LSR: variants seen among roughly 807,000 people sequenced by gnomAD.
LSR encodes lipolysis stimulated lipoprotein receptor, also known as lipolysis-stimulated lipoprotein receptor.
Under a neutral mutation model 61.8 loss-of-function variants are expected in LSR, and 44 were observed. That is an observed-to-expected ratio of 0.71 (90% CI 0.56 to 0.91). LSR has a LOEUF of 0.91. LSR is among the 40% of genes least tolerant of loss of function. The probability of loss-of-function intolerance (pLI) is 0.00; values close to 1 mark genes in which losing one functional copy is unlikely to be tolerated. For missense variants in LSR, 911 were observed against 830.5 expected, an observed-to-expected ratio of 1.10 and a Z score of -1.19; for synonymous variants, 397 against 350.6, an observed-to-expected ratio of 1.13 and a Z score of -1.48.
Position 35,267,832 on chromosome 19 carries a change from C to T in LSR, c.1779C>T (p.Ala593=). 6.2e-7 allele frequency: 1 copy of T among 1,614,054 alleles called. No individual in the cohort carries two copies. Among genetic ancestry groups the T allele is most frequent in the Non-Finnish European group, 8.5e-7 (1 of 1,179,952 alleles). The change falls in exon 10 of 10, where the codon GCC becomes GCT. Residue 593 remains alanine, a synonymous_variant. Transcript: ENST00000605618. ...SRERRLKKNL[A]LSRESLVV ...TTCTTTCTCCCTTGCAGAACTTGGC[C>T]CTGAGTCGGGAAAGTTTAGTCGTCT...
rs145609621 is a variant in LSR at position 35,267,465 on chromosome 19, C to T, written c.1501C>T (p.Pro501Ser). 202 of 1,610,906 alleles carry T rather than the reference C, an allele frequency of 1.3e-4. No homozygotes were observed. The African/African-American group carries it at 2.5e-3, about 20-fold the overall frequency. The change falls in exon 9 of 10, where the codon CCC becomes TCC. Residue 501 changes from proline to serine, a missense_variant. Transcript: ENST00000605618. ...GAGGGACTTCCCACGCTCCCGGGAC[C>T]CCCACTACGACGACTTCAGGTCTCG... ...DSRDFPRSRDPHYDDFRSRER... is the reference protein window; with the variant it reads ...DSRDFPRSRDSHYDDFRSRER...
chr19:35,256,667 A>C (rs1482792118), intron 2 of LSR, among the ~76,000 whole-genome samples: 2 of 152,084 alleles, frequency 1.3e-5, no homozygotes, highest in African/African-American at 4.8e-5. Flanking sequence ...ACTGCCTAGA[A>C]CATAGGTGGT....
In LSR at chr19:35,261,927, A is replaced by G; in HGVS notation, c.577A>G (p.Arg193Gly). The G allele has an allele frequency of 6.8e-7, 1 of 1,473,562 alleles. No homozygotes were observed. The highest frequency in any genetic ancestry group is 9.0e-7 in the Non-Finnish European group (1 of 1,116,620). 91.3% of individuals were successfully genotyped at this position (1,473,562 alleles called of 1,614,324 possible). Residue 193 changes from arginine to glycine, a missense_variant and splice_region_variant, in exon 4 of 10, where the codon AGG becomes GGG. By Grantham distance (125) the Arg-to-Gly change is moderately radical. Transcript: ENST00000605618. The part of the protein sequence containing the change: ...EAYAELIVLG[R>G]TSGVAELLPG... ...CTGTTTCTCTTTTGTCCCTCCAGGG[A>G]GGACCTCAGGGGTGGCTGAGCTCTT...
Position 35,250,501 on chromosome 19 carries a change from ACCAGCTCAATGC to A in LSR, c.303_314del (p.Asn102_Leu105del), listed in dbSNP as rs1361574550. Reference sequence around the variant, plus strand: ...GCCTTCTCCCCGGCCAGCGTCGACAACCAGCTCAATGCCCAGCTGGCAGCCGGGAACCCAGGC... The same window carrying A: ...GCCTTCTCCCCGGCCAGCGTCGACAACCAGCTGGCAGCCGGGAACCCAGGC... On this transcript the variant is annotated inframe_deletion, in exon 2 of 10. Coordinates refer to ENST00000605618, the MANE Select transcript of LSR (RefSeq NM_205834.4). 6.2e-7 allele frequency: 1 copy of A among 1,613,992 alleles called. No individual in the cohort carries two copies. The highest frequency in any genetic ancestry group is 8.5e-7 in the Non-Finnish European group (1 of 1,180,012).
At chr19:35,259,934 G>T in intron 3 of LSR, among the ~76,000 whole-genome samples, 1 of 152,246 alleles carries the variant, frequency 6.6e-6, no homozygotes. Context: ...CATCGGCCAG[G>T]TGCCCTGCTG....
In LSR at chr19:35,257,550, A is replaced by G. The variant is rs144860394; in HGVS notation, c.455-1395A>G. ...GGGTTCTTTCATTCCTGGGGGTGCC[A>G]GGTGCTGTGGACTGCAGCACGCGTG... On this transcript the variant is annotated intron_variant, in intron 2 of 9. Transcript: ENST00000605618. 3.0e-4 allele frequency among the ~76,000 whole-genome samples: 45 copies of G among 152,274 alleles called. 1 individual carries two copies. The East Asian group carries it at 7.4e-3, about 25-fold the overall frequency.
intron 5 of LSR, chr19:35,264,303 C>G (rs1028640889): frequency 2.6e-5 from 4 of 151,988 alleles, no homozygotes; most frequent in African/African-American, 9.7e-5. Flanking sequence ...AGACAGAAGA[C>G]AGAGAGAGAG....
Position 35,267,821 on chromosome 19 carries a change from C to A in LSR, c.1771-3C>A, listed in dbSNP as rs758486502. 205 of 1,613,940 alleles carry A rather than the reference C, an allele frequency of 1.3e-4. No individual in the cohort carries two copies. The highest frequency in any genetic ancestry group is 1.7e-4 in the Non-Finnish European group (201 of 1,179,966). ...CATACCCTTCTTTCTTTCTCCCTTGCAGAACTTGGCCCTGAGTCGGGAAAG... is the reference window on the plus strand; with the variant it reads ...CATACCCTTCTTTCTTTCTCCCTTGAAGAACTTGGCCCTGAGTCGGGAAAG... On this transcript the variant is annotated splice_polypyrimidine_tract_variant and splice_region_variant and intron_variant, in intron 9 of 9. Transcript: ENST00000605618.
In LSR at chr19:35,266,550, A is replaced by G; in HGVS notation, c.952+18A>G. On this transcript the variant is annotated intron_variant, in intron 6 of 9. Coordinates refer to ENST00000605618, the MANE Select transcript of LSR (RefSeq NM_205834.4). ...TAGCTCAGGTGAGGCCGGGGGAAGCAGGAACAGCTGGTGGGAGTGTGCTGG... is the reference window on the plus strand; with the variant it reads ...TAGCTCAGGTGAGGCCGGGGGAAGCGGGAACAGCTGGTGGGAGTGTGCTGG... 1.3e-6 allele frequency: 2 copies of G among 1,598,124 alleles called. No homozygotes were observed. Among genetic ancestry groups the G allele is most frequent in the East Asian group, 4.5e-5 (2 of 44,636 alleles).
chr19:35,266,496 G>A lies in LSR; in HGVS notation c.916G>A (p.Gly306Arg), dbSNP rs1418716590. 8 of 1,611,198 alleles carry A rather than the reference G, an allele frequency of 5.0e-6. No individual in the cohort carries two copies. The highest frequency in any genetic ancestry group is 6.8e-6 in the Non-Finnish European group (8 of 1,178,420). Reference sequence around the variant, plus strand: ...GGGCCCTGCCTACAACGGGTACCCTGGAGGATACCCTGGAGACGTTGACAG... The same window carrying A: ...GGGCCCTGCCTACAACGGGTACCCTAGAGGATACCCTGGAGACGTTGACAG... ...PMGPAYNGYP[G>R]GYPGDVDRSS... The change falls in exon 6 of 10, where the codon GGA becomes AGA. Residue 306 changes from glycine to arginine, a missense_variant. Physicochemically the swap from Gly to Arg is moderately radical, Grantham distance 125. Transcript: ENST00000605618.
Position 35,266,821 on chromosome 19 carries a change from C to A in LSR, c.1013-15C>A, listed in dbSNP as rs547841115. 1 of 1,602,664 alleles carries A rather than the reference C, an allele frequency of 6.2e-7. No individual in the cohort carries two copies. Among genetic ancestry groups the A allele is most frequent in the South Asian group, 1.1e-5 (1 of 89,638 alleles). On this transcript the variant is annotated splice_polypyrimidine_tract_variant and intron_variant, in intron 7 of 9. Coordinates refer to ENST00000605618, the MANE Select transcript of LSR (RefSeq NM_205834.4). ...ATCCATCCTCCCAAACCGACCACCA[C>A]CCCCCTGTCCCTAGAAGTCCGCAGT...
Position 35,257,957 on chromosome 19 carries a change from G to A in LSR, c.455-988G>A, listed in dbSNP as rs116704301. On this transcript the variant is annotated intron_variant, in intron 2 of 9. Coordinates refer to ENST00000605618, the MANE Select transcript of LSR (RefSeq NM_205834.4). ...AGGGGGAGGAACCAAGGCACTGGGA[G>A]GGTAAGTCTCTCTCTCCCACATAGA... 6.1e-3 allele frequency among the ~76,000 whole-genome samples: 932 copies of A among 152,264 alleles called. 13 individuals are homozygous for A. Among genetic ancestry groups the A allele is most frequent in the African/African-American group, 0.021 (865 of 41,540 alleles).
chr19:35,260,291 C>CTTT (rs66534837), intron 3 of LSR, among the ~76,000 whole-genome samples: 17,010 of 113,870 alleles, frequency 0.15, 2,085 homozygotes, highest in South Asian at 0.21. Context: ...GGAGATTTTC[C>CTTT]TTTTTTTTTT....
chr19:35,266,283 C>T lies in LSR; in HGVS notation c.779-76C>T, dbSNP rs904097991. On this transcript the variant is annotated intron_variant, in intron 5 of 9. Coordinates refer to ENST00000605618, the MANE Select transcript of LSR (RefSeq NM_205834.4). ...TGGGAAGGAGGTCCAGGCCCAGGTC[C>T]CTCCGGAACCCAATGGGTATGGGGC... 5 of 1,270,768 alleles carry T rather than the reference C, an allele frequency of 3.9e-6. No homozygotes were observed. The African/African-American group carries it at 5.9e-5, about 15-fold the overall frequency. The allele number at this position is 1,270,768 out of a possible 1,614,324, so 78.7% of individuals were successfully genotyped here.
intron 5 of LSR, chr19:35,264,229 G>C (rs957665547): frequency 6.6e-6 from 1 of 152,096 alleles, no homozygotes; most frequent in African/African-American, 2.4e-5. Context: ...GTGGAGAGCT[G>C]GGACTGGATG....
chr19:35,254,086 C>A (rs953304888), intron 2 of LSR, among the ~76,000 whole-genome samples: 1 of 152,184 alleles, frequency 6.6e-6, no homozygotes, highest in African/African-American at 2.4e-5. Context: ...TTCCTAGGGT[C>A]ACCCACTGTG....
intron 2 of LSR, among the ~76,000 whole-genome samples, chr19:35,250,860 ATCTCAGCTCACTGC>A (rs2065785346): frequency 1.4e-5 from 2 of 146,454 alleles, no homozygotes; most frequent in African/African-American, 5.1e-5. Flanking sequence ...CAGTGGTGCG[ATCTCAGCTCACTGC>A]AACCTCCACC....
At chr19:35,259,636 C>CAA (rs775805186) in intron 3 of LSR, among the ~76,000 whole-genome samples, 108 of 118,084 alleles carry the variant, frequency 9.1e-4, no homozygotes, top group African/African-American at 3.0e-3. Flanking sequence ...AGACTCTGTC[C>CAA]AAAAAAAAAA....
In LSR at chr19:35,249,062, T is replaced by C; in HGVS notation, c.40T>C (p.Ser14Pro). 1 of 1,572,710 alleles carries C rather than the reference T, an allele frequency of 6.4e-7. No individual in the cohort carries two copies. Among genetic ancestry groups the C allele is most frequent in the Non-Finnish European group, 8.6e-7 (1 of 1,160,584 alleles). The change falls in exon 1 of 10, where the codon TCC becomes CCC. Residue 14 changes from serine to proline, a missense_variant. Transcript: ENST00000605618. ...CGGCGGGCTCTCCAGAGGGCTGGGC[T>C]CCCACCCGGCCGCCGCAGGCCGGGA... ...LAGGLSRGLGSHPAAAGRDAV... is the reference protein window; with the variant it reads ...LAGGLSRGLGPHPAAAGRDAV...
Sources: allele counts gnomAD v4.1 joint callset (sites outside exome capture counted in the v4.1 genomes callset), GRCh38; gene constraint gnomAD v4.1.1; transcripts MANE v1.5; gene names NCBI Gene and HGNC (gene_info 2026-07-23, HGNC 2026-07-21).